Variants in HERC4 observed in about 807,000 individuals in gnomAD.
HERC4 encodes HECT and RLD domain containing E3 ubiquitin protein ligase 4, also known as probable E3 ubiquitin-protein ligase HERC4.
Under a neutral mutation model 124.3 loss-of-function variants are expected in HERC4, and 28 were observed. The observed-to-expected ratio is 0.23, with a 90% CI of 0.17 to 0.31. The LOEUF (loss-of-function observed/expected upper bound fraction) is 0.31, where lower values mean the gene tolerates loss of function less well. Among genes scored for constraint, HERC4 ranks in the 10% least tolerant of loss-of-function variants. HERC4 has a pLI of 1.00. For synonymous variants in HERC4, 407 were observed against 421.5 expected (o/e 0.97, Z 0.42); for missense variants, 713 against 1,229.3 (o/e 0.58, Z 6.28).
At chr10:68,051,962 C>T (rs764730151) in intron 3 of HERC4, among the ~76,000 whole-genome samples, 41 of 152,026 alleles carry the variant, frequency 2.7e-4, no homozygotes, top group South Asian at 6.2e-4. Flanking sequence ...AGCCACCGCG[C>T]CCAGCCTCAA....
chr10:68,055,329 A>C (rs1186118300), intron 3 of HERC4, among the ~76,000 whole-genome samples: 1 of 152,212 alleles, frequency 6.6e-6, no homozygotes, highest in Non-Finnish European at 1.5e-5. Flanking sequence ...CCAAGAAAGT[A>C]TTTTAGTGGG....
intron 23 of HERC4, among the ~76,000 whole-genome samples, chr10:67,927,263 A>G (rs899925832): frequency 3.0e-4 from 46 of 151,570 alleles, no homozygotes; most frequent in African/African-American, 1.1e-3. Context: ...TTTGGTAGAA[A>G]TGTGCACACA....
intron 23 of HERC4, 80 bp downstream of exon 23, chr10:67,932,516 TA>T (rs2031931352): frequency 1.6e-6 from 2 of 1,232,224 alleles, no homozygotes; most frequent in Non-Finnish European, 1.1e-6. Context: ...GTGTATAAAA[TA>T]AAAAATAATA....
intron 15 of HERC4, among the ~76,000 whole-genome samples, chr10:67,985,913 G>C (rs1404060012): frequency 6.6e-6 from 1 of 152,200 alleles, no homozygotes; most frequent in Non-Finnish European, 1.5e-5. Context: ...TCATCCTCCA[G>C]AGTTAGAGAA....
At chr10:67,995,130 T>C (rs1477440903) in intron 9 of HERC4, 3 of 355,078 alleles carry the variant, frequency 8.4e-6, no homozygotes, top group East Asian at 8.6e-5. Flanking sequence ...GTTCTGTAAA[T>C]TGGTGGTTGA....
chr10:68,012,265 T>C (rs1186650863), intron 9 of HERC4, among the ~76,000 whole-genome samples: 1 of 152,208 alleles, frequency 6.6e-6, no homozygotes, highest in African/African-American at 2.4e-5. Context: ...GTAGCACTTT[T>C]AATTCCTTTA....
chr10:68,059,695 T>TCA (rs2040827383), intron 3 of HERC4, among the ~76,000 whole-genome samples: 1 of 69,176 alleles, frequency 1.4e-5, no homozygotes, highest in Admixed American at 2.3e-4. Flanking sequence ...ATATTATATA[T>TCA]TATAATATTA....
At chr10:67,986,683 A>C (rs2036279324) in intron 15 of HERC4, among the ~76,000 whole-genome samples, 1 of 152,170 alleles carries the variant, frequency 6.6e-6, no homozygotes, top group African/African-American at 2.4e-5. Flanking sequence ...ACAATACATA[A>C]ATCTTGGAAA....
chr10:67,930,544 T>G (rs1366693549), intron 23 of HERC4, among the ~76,000 whole-genome samples: 1 of 152,216 alleles, frequency 6.6e-6, no homozygotes, highest in Non-Finnish European at 1.5e-5. Flanking sequence ...AACATATAAA[T>G]GTTCCTGATG....
intron 9 of HERC4, among the ~76,000 whole-genome samples, chr10:68,009,869 G>A (rs1459601338): frequency 1.3e-5 from 2 of 152,118 alleles, no homozygotes; most frequent in East Asian, 3.8e-4. Context: ...ACCAGCAGTA[G>A]GTTCCATCTC....
intron 15 of HERC4, among the ~76,000 whole-genome samples, chr10:67,972,511 C>T (rs1241462531): frequency 5.3e-5 from 3 of 56,078 alleles, no homozygotes; most frequent in African/African-American, 2.1e-4. Context: ...AAGAGTCAAA[C>T]TCTGTCTCAA....
chr10:68,018,733 C>T (rs535076753), intron 8 of HERC4, among the ~76,000 whole-genome samples: 42 of 152,058 alleles, frequency 2.8e-4, no homozygotes, highest in Non-Finnish European at 3.7e-4. Context: ...AATGGAACTA[C>T]GAAGAGATAT....
rs1374493530 is a variant in HERC4 at position 68,072,974 on chromosome 10, A to G, written c.135T>C (p.His45=). Residue 45 remains histidine, a synonymous_variant, in exon 3 of 25, where the codon CAT becomes CAC. Transcript: ENST00000373700. The part of the protein sequence containing the change: ...RVRDVGCGLR[H]TVFVLDDGTV... ...TTCCATCATCCAGAACAAACACAGT[A>G]TGTCTGAGTCCACATCCTACATCTC... is the stretch of plus-strand genomic sequence containing the variant. The G allele has an allele frequency of 1.2e-6, 2 of 1,614,062 alleles. No individual in the cohort carries two copies. The highest frequency in any genetic ancestry group is 3.3e-5 in the Admixed American group (2 of 60,020).
intron 8 of HERC4, among the ~76,000 whole-genome samples, chr10:68,018,435 T>C (rs1233371731): frequency 1.3e-5 from 2 of 152,182 alleles, no homozygotes; most frequent in Non-Finnish European, 2.9e-5. Context: ...TATGAAATAC[T>C]GAAAGTTTTC....
intron 15 of HERC4, among the ~76,000 whole-genome samples, chr10:67,982,587 CA>C (rs756295052): frequency 1.2e-4 from 18 of 152,134 alleles, no homozygotes; most frequent in Non-Finnish European, 2.4e-4. Context: ...TAATGCCCCA[CA>C]AGCACATGCA....
At chr10:67,973,984 T>C (rs560226458) in intron 15 of HERC4, among the ~76,000 whole-genome samples, 3 of 148,260 alleles carry the variant, frequency 2.0e-5, no homozygotes, top group African/African-American at 7.5e-5. Flanking sequence ...GAGGCAGAGG[T>C]TGCAGTGAGC....
At chr10:67,924,827 A>G (rs1472079373) in intron 24 of HERC4, among the ~76,000 whole-genome samples, 2 of 152,210 alleles carry the variant, frequency 1.3e-5, no homozygotes, top group Non-Finnish European at 1.5e-5. Flanking sequence ...GTTTATTGTA[A>G]CCACAGTTTA....
intron 19 of HERC4, among the ~76,000 whole-genome samples, chr10:67,953,160 T>C (rs1371640162): frequency 6.6e-6 from 1 of 152,160 alleles, no homozygotes; most frequent in Non-Finnish European, 1.5e-5. Flanking sequence ...CACATCTTAT[T>C]TTGTAGATTT....
chr10:68,056,140 G>C (rs1013966748), intron 3 of HERC4, among the ~76,000 whole-genome samples: 2 of 152,116 alleles, frequency 1.3e-5, no homozygotes, highest in African/African-American at 4.8e-5. Flanking sequence ...GAAATATAAA[G>C]ACTCCAACAT....
Sources: allele counts gnomAD v4.1 joint callset (sites outside exome capture counted in the v4.1 genomes callset), GRCh38; gene constraint gnomAD v4.1.1; transcripts MANE v1.5; gene names NCBI Gene and HGNC (gene_info 2026-07-23, HGNC 2026-07-21).